Variants in ZNF423 observed in about 807,000 individuals in gnomAD.
ZNF423 encodes Ebf-associated zinc finger protein.
A neutral mutation model predicts 95.8 loss-of-function variants in ZNF423; 12 were observed. The observed-to-expected ratio is 0.13, with a 90% CI of 0.08 to 0.20. ZNF423 has a LOEUF of 0.20. Ranked by LOEUF, ZNF423 falls within the 10% of genes least tolerant of loss-of-function variation. The probability of loss-of-function intolerance (pLI) is 1.00; values close to 1 mark genes in which losing one functional copy is unlikely to be tolerated. For missense variants in ZNF423, 1,316 were observed against 1,737.1 expected (o/e 0.76, Z 4.31); for synonymous variants, 749 against 711.9 (o/e 1.05, Z -0.83).
intron 3 of ZNF423, among the ~76,000 whole-genome samples, chr16:49,663,723 C>T (rs1168388673): frequency 2.0e-5 from 3 of 152,094 alleles, no homozygotes; most frequent in African/African-American, 7.2e-5. Flanking sequence ...ACAGAGGGGA[C>T]AGGAGGTCAA....
intron 3 of ZNF423, among the ~76,000 whole-genome samples, chr16:49,682,243 TCCCCCAACCCCATTTTC>T (rs1478723701): frequency 1.9e-4 from 1 of 5,176 alleles, no homozygotes; most frequent in Non-Finnish European, 4.3e-4. Context: ...AACCCCATTT[TCCCCCAACCCCATTTTC>T]CCCCCATTCT....
At position 49,636,885 on chromosome 16, in the gene ZNF423, T is replaced by C; in HGVS notation, c.2291A>G (p.Asn764Ser). 6.2e-7 allele frequency: 1 copy of C among 1,614,016 alleles called. No homozygotes were observed. Among genetic ancestry groups the C allele is most frequent in the Non-Finnish European group, 8.5e-7 (1 of 1,180,030 alleles). ...EKKMYRCTAC[N>S]WDFRKEADLQ... ...GTCAGCCTCCTTGCGGAAGTCCCAG[T>C]TGCAGGCCGTGCAGCGGTACATCTT... The change falls in exon 4 of 8, where the codon AAC becomes AGC. Residue 764 changes from asparagine to serine, a missense_variant. By Grantham distance (46) the Asn-to-Ser change is conservative (BLOSUM62 1). Transcript: ENST00000563137. The surrounding 1 kb of genome is among the most constrained non-coding windows in gnomAD (Gnocchi z 8.6).
chr16:49,739,447 A>C (rs1248279713), intron 2 of ZNF423, among the ~76,000 whole-genome samples: 1 of 152,094 alleles, frequency 6.6e-6, no homozygotes, highest in African/African-American at 2.4e-5. Context: ...AAAGAAAAAA[A>C]ATCCACTCCA....
intron 7 of ZNF423, chr16:49,518,035 A>T: frequency 2.2e-6 from 1 of 451,436 alleles, no homozygotes. Flanking sequence ...CCTCCTGGTG[A>T]TGATATTGGC....
intron 3 of ZNF423, chr16:49,664,267 C>G: frequency 4.1e-6 from 4 of 985,542 alleles, no homozygotes; most frequent in Non-Finnish European, 4.8e-6. Context: ...CCGCCTGGGC[C>G]GGCGGAGAAG....
At chr16:49,792,114 TTC>T (rs1287160368) in intron 1 of ZNF423, among the ~76,000 whole-genome samples, 2 of 152,082 alleles carry the variant, frequency 1.3e-5, no homozygotes, top group East Asian at 1.9e-4. Context: ...TGATTTTTTT[TTC>T]TTTTTCTTTT....
chr16:49,697,724 C>T (rs1414322075), intron 3 of ZNF423, among the ~76,000 whole-genome samples: 3 of 152,204 alleles, frequency 2.0e-5, no homozygotes, highest in African/African-American at 4.8e-5. Flanking sequence ...CAGAGTTGTG[C>T]GTTCACGCGT....
chr16:49,571,458 C>T (rs1055993117), intron 5 of ZNF423, among the ~76,000 whole-genome samples: 5 of 151,864 alleles, frequency 3.3e-5, no homozygotes, highest in African/African-American at 1.2e-4. Context: ...ACACGTGGAG[C>T]GCAAGTCCCA....
At chr16:49,768,248 C>T (rs1474020906) in intron 2 of ZNF423, among the ~76,000 whole-genome samples, 1 of 152,164 alleles carries the variant, frequency 6.6e-6, no homozygotes, top group Non-Finnish European at 1.5e-5. Context: ...AACGGGGGCG[C>T]GGCGCGGACA....
chr16:49,828,642 T>C (rs1227760231), intron 1 of ZNF423, among the ~76,000 whole-genome samples: 11 of 152,174 alleles, frequency 7.2e-5, no homozygotes, highest in Admixed American at 2.6e-4. Context: ...CACCACCAAA[T>C]GCTTTGCTCA....
chr16:49,577,542 C>T (rs996088547), intron 5 of ZNF423, among the ~76,000 whole-genome samples: 2 of 152,076 alleles, frequency 1.3e-5, no homozygotes, highest in Non-Finnish European at 2.9e-5. Flanking sequence ...GACATCCCTC[C>T]AAGCAGGGTC....
At chr16:49,677,438 GAAAAAGAAAAGAGA>G (rs2031160060) in intron 3 of ZNF423, among the ~76,000 whole-genome samples, 1 of 143,898 alleles carries the variant, frequency 6.9e-6, no homozygotes, top group African/African-American at 2.6e-5. Flanking sequence ...GGAAAAGAAA[GAAAAAGAAAAGAGA>G]AAGAAGAGAA....
intron 4 of ZNF423, among the ~76,000 whole-genome samples, chr16:49,633,900 CCTTT>C (rs553049101): frequency 2.5e-4 from 38 of 152,040 alleles, no homozygotes; most frequent in South Asian, 8.3e-4. Context: ...TCTTTTTCTT[CCTTT>C]CTTTCTTTCT....
At chr16:49,514,864 A>G (rs1968069302) in intron 7 of ZNF423, among the ~76,000 whole-genome samples, 1 of 152,184 alleles carries the variant, frequency 6.6e-6, no homozygotes, top group Non-Finnish European at 1.5e-5. Flanking sequence ...AACCATCTTC[A>G]TCAAGGACAT....
rs371608099 is a variant in ZNF423 at position 49,638,321 on chromosome 16, C to T, written c.855G>A (p.Glu285=). 2 of 1,613,958 alleles carry T rather than the reference C, an allele frequency of 1.2e-6. No homozygotes were observed. Among genetic ancestry groups the T allele is most frequent in the African/African-American group, 2.7e-5 (2 of 74,942 alleles). ...YCEDTFSQTE[E]LEKHVLTRHP... is the part of the protein sequence containing the mutation. Reference sequence around the variant, plus strand: ...GGCGGGTGAGCACGTGCTTCTCCAGCTCCTCCGTCTGGCTGAAGGTGTCCT... The same window carrying T: ...GGCGGGTGAGCACGTGCTTCTCCAGTTCCTCCGTCTGGCTGAAGGTGTCCT... Residue 285 remains glutamate, a synonymous_variant, in exon 4 of 8, where the codon GAG becomes GAA. Transcript: ENST00000563137. This position sits in a 1 kb window ranked among gnomAD's most constrained non-coding sequence, Gnocchi z 5.6.
At chr16:49,628,139 C>T (rs1358717117) in intron 4 of ZNF423, among the ~76,000 whole-genome samples, 3 of 151,008 alleles carry the variant, frequency 2.0e-5, no homozygotes, top group Admixed American at 6.6e-5. Context: ...ATCCATCCAT[C>T]GTCCATCTAC....
chr16:49,515,035 G>A (rs1410640209), intron 7 of ZNF423, among the ~76,000 whole-genome samples: 1 of 152,256 alleles, frequency 6.6e-6, no homozygotes, highest in Non-Finnish European at 1.5e-5. Flanking sequence ...TCATAAAGGG[G>A]AGAAAGGTGG....
At chr16:49,620,692 G>A (rs889501589) in intron 5 of ZNF423, among the ~76,000 whole-genome samples, 1 of 152,178 alleles carries the variant, frequency 6.6e-6, no homozygotes, top group Non-Finnish European at 1.5e-5. Flanking sequence ...GCGTGAGGAC[G>A]TCCAGGGGCC....
At chr16:49,678,120 T>C (rs1159205994) in intron 3 of ZNF423, among the ~76,000 whole-genome samples, 1 of 151,944 alleles carries the variant, frequency 6.6e-6, no homozygotes, top group Non-Finnish European at 1.5e-5. Context: ...GAGGTGAAGG[T>C]TGCAGTGAGC....
Sources: allele counts gnomAD v4.1 joint callset (sites outside exome capture counted in the v4.1 genomes callset), GRCh38; gene constraint gnomAD v4.1.1; non-coding constraint Gnocchi (gnomAD v3.1); transcripts MANE v1.5; gene names NCBI Gene and HGNC (gene_info 2026-07-23, HGNC 2026-07-21).